PCDHA9: variants seen among roughly 807,000 people sequenced by gnomAD.
The protein encoded by PCDHA9 is protocadherin alpha 9.
Under a neutral mutation model 62.0 loss-of-function variants are expected in PCDHA9, and 62 were observed. That is an observed-to-expected ratio of 1.00 (90% CI 0.81 to 1.23). The LOEUF (loss-of-function observed/expected upper bound fraction) is 1.23. Ranked by LOEUF, PCDHA9 falls within the 50% of genes most tolerant of loss-of-function variation. PCDHA9 has a pLI of 0.00. For synonymous variants in PCDHA9, 557 were observed against 567.6 expected, an observed-to-expected ratio of 0.98 and a Z score of 0.27; for missense variants, 1,205 against 1,249.8, an observed-to-expected ratio of 0.96 and a Z score of 0.54.
chr5:140,966,848 C>G, intron 1 of PCDHA9: 1 of 1,571,846 alleles, frequency 6.4e-7, no homozygotes, highest in Non-Finnish European at 8.6e-7. Context: ...GCTACTGCCT[C>G]TCCTGCTGCT....
rs782372222 is a variant in PCDHA9 at position 140,876,213 on chromosome 5, T to C, written c.2394+25324T>C. 11 of 1,613,846 alleles carry C rather than the reference T, an allele frequency of 6.8e-6. No homozygotes were observed. The Admixed American group carries it at 8.3e-5, about 12-fold the overall frequency. On this transcript the variant is annotated intron_variant, in intron 1 of 3. Coordinates refer to ENST00000532602, the MANE Select transcript of PCDHA9 (RefSeq NM_031857.2). The stretch of plus-strand genomic sequence containing the variant: ...GTCCGGCGTTTGATAAGCCCAGCTA[T>C]AAAGTAGTGTTGTCTGAAAATGTCC...
At position 140,853,506 on chromosome 5, in the gene PCDHA9, A is replaced by G. The variant is rs1198826408; in HGVS notation, c.2394+2617A>G. On this transcript the variant is annotated intron_variant, in intron 1 of 3. Transcript: ENST00000532602. ...TCAATTCAAGTTAGAATCATGAAAC[A>G]ATAATGAAGCTCCTCCTATGTCTCT... The G allele has an allele frequency of 4.1e-6, 4 of 977,436 alleles. 1 individual carries two copies. The African/African-American group carries it at 7.1e-5, about 17-fold the overall frequency. The allele number at this position is 977,436 out of a possible 1,614,324, so 60.5% of individuals were successfully genotyped here. A position where few individuals can be genotyped will look rare whatever the true frequency, so the allele number is the denominator to read the frequency against.
intron 1 of PCDHA9, among the ~76,000 whole-genome samples, chr5:140,958,355 C>A (rs2095420165): frequency 6.6e-6 from 1 of 152,064 alleles, no homozygotes; most frequent in Admixed American, 6.6e-5. Context: ...CACAGTCTGA[C>A]TTTATCAGGA....
intron 1 of PCDHA9, among the ~76,000 whole-genome samples, chr5:140,947,744 TG>T (rs1227312993): frequency 6.6e-6 from 1 of 151,630 alleles, no homozygotes; most frequent in Non-Finnish European, 1.5e-5. Flanking sequence ...CCTATTCTTA[TG>T]TATTTTATGG....
intron 1 of PCDHA9, among the ~76,000 whole-genome samples, chr5:140,952,415 C>T (rs138050953): frequency 7.9e-4 from 120 of 152,134 alleles, no homozygotes; most frequent in Admixed American, 1.6e-3. Context: ...TTTAATGTTC[C>T]GCAGATTCCT....
At chr5:140,992,038 TG>T (rs2097488764) in intron 3 of PCDHA9, among the ~76,000 whole-genome samples, 1 of 151,828 alleles carries the variant, frequency 6.6e-6, no homozygotes, top group African/African-American at 2.4e-5. Context: ...TGTGTGTGTG[TG>T]TGTGTGTGTG....
chr5:140,884,083 G>A, intron 1 of PCDHA9: 1 of 1,613,596 alleles, frequency 6.2e-7, no homozygotes. Context: ...GCTACAATGC[G>A]TGGCTTTCGT....
chr5:140,877,835 G>A, intron 1 of PCDHA9: 11 of 1,586,326 alleles, frequency 6.9e-6, no homozygotes, highest in Non-Finnish European at 9.4e-6. Context: ...AATCCTCCCA[G>A]TGAAGTAAGT....
rs782248457 is a variant in PCDHA9, at chr5:140,927,179, C to G, written c.2395-51770C>G. 8 of 1,614,050 alleles carry G rather than the reference C, an allele frequency of 5.0e-6. No individual in the cohort carries two copies. The South Asian group carries it at 8.8e-5, about 18-fold the overall frequency. ...AGGGCCAAAGCTGCCTGCGTCTTGA[C>G]CTACGACCTGGTGCTCGAGGACCCG... On this transcript the variant is annotated intron_variant, in intron 1 of 3. Transcript: ENST00000532602.
At chr5:140,928,914 A>C in intron 1 of PCDHA9, 2 of 1,614,136 alleles carry the variant, frequency 1.2e-6, no homozygotes, top group Non-Finnish European at 1.7e-6. Flanking sequence ...GGGAACCAGG[A>C]GGGCAGCTTT....
chr5:140,869,972 A>T (rs782424515), intron 1 of PCDHA9: 14 of 1,613,080 alleles, frequency 8.7e-6, no homozygotes. Context: ...AATGGAAGAC[A>T]CTTATTTACA....
At position 141,011,465 on chromosome 5, in the gene PCDHA9, G is replaced by A. The variant is rs2098420693; in HGVS notation, c.*1528G>A. ...TGAACTTTAAGCTTTATTGTTGAAT[G>A]TAATTCCATTATATTTCCTTTTGTA... On this transcript the variant is annotated 3_prime_UTR_variant, in exon 4 of 4. Transcript: ENST00000532602. The A allele has an allele frequency of 6.5e-6, 1 of 153,770 alleles. No individual in the cohort carries two copies. The highest frequency in any genetic ancestry group is 2.4e-5 in the African/African-American group (1 of 41,452). The allele number at this position is 153,770 out of a possible 1,614,324, so 9.5% of individuals were successfully genotyped here.
At chr5:140,919,516 A>G (rs1207061379) in intron 1 of PCDHA9, among the ~76,000 whole-genome samples, 2 of 152,078 alleles carry the variant, frequency 1.3e-5, no homozygotes. Flanking sequence ...TATATGTTTT[A>G]ATTCTCTTTT....
At position 141,010,124 on chromosome 5, in the gene PCDHA9, G is replaced by C. The variant is rs1161168842; in HGVS notation, c.*187G>C. 1.2e-6 allele frequency: 2 copies of C among 1,605,172 alleles called. No homozygotes were observed. The highest frequency in any genetic ancestry group is 1.1e-5 in the South Asian group (1 of 90,170). On this transcript the variant is annotated 3_prime_UTR_variant, in exon 4 of 4. Coordinates refer to ENST00000532602, the MANE Select transcript of PCDHA9 (RefSeq NM_031857.2). ...GGTTTTGTCGTAAAAGCTTTACTAA[G>C]TCTGGTGTTAACTCTTTCTCTCCAC...
At chr5:140,976,232 G>C (rs2096707189) in intron 1 of PCDHA9, among the ~76,000 whole-genome samples, 1 of 152,098 alleles carries the variant, frequency 6.6e-6, no homozygotes, top group Non-Finnish European at 1.5e-5. Flanking sequence ...AAAAATATAT[G>C]TCATTTCATG....
chr5:140,968,868 A>G, intron 1 of PCDHA9: 6 of 1,614,140 alleles, frequency 3.7e-6, no homozygotes, highest in Non-Finnish European at 5.1e-6. Flanking sequence ...CCTCGGACAT[A>G]CTCTGAAATT....
intron 3 of PCDHA9, among the ~76,000 whole-genome samples, chr5:140,990,798 A>G (rs1554251753): frequency 6.6e-6 from 1 of 152,208 alleles, no homozygotes; most frequent in Admixed American, 6.5e-5. Context: ...ACCATGGAAT[A>G]CAGAAGAAGC....
chr5:140,886,413 C>T (rs1465937681), intron 1 of PCDHA9, among the ~76,000 whole-genome samples: 1 of 152,042 alleles, frequency 6.6e-6, no homozygotes, highest in Non-Finnish European at 1.5e-5. Flanking sequence ...ATGTTTTCCT[C>T]CTATATTATT....
At chr5:140,969,638 G>A (rs1461834971) in intron 1 of PCDHA9, 1 of 210,658 alleles carries the variant, frequency 4.7e-6, no homozygotes, top group African/African-American at 2.4e-5. Context: ...ACAGGCCTTG[G>A]AATAGGGATT....
Sources: gnomAD v4.1 joint callset for allele counts (sites outside exome capture counted in the v4.1 genomes callset) on GRCh38, gnomAD v4.1.1 for gene constraint, MANE v1.5 for transcripts, NCBI Gene and HGNC (gene_info 2026-07-23, HGNC 2026-07-21) for gene names.